The following GIGYF2 variants were observed in gnomAD, a reference collection of about 807,000 sequenced individuals.
GIGYF2 encodes GRB10-interacting GYF protein 2.
GIGYF2 carries 25 observed loss-of-function variants against 208.1 expected under a neutral mutation model. That is an observed-to-expected ratio of 0.12 (90% confidence interval 0.09 to 0.17). The LOEUF (loss-of-function observed/expected upper bound fraction) is 0.17. Among genes scored for constraint, GIGYF2 ranks in the 10% least tolerant of loss-of-function variants. The pLI is 1.00. For synonymous variants in GIGYF2, 534 were observed against 543.8 expected (o/e 0.98, Z 0.25); for missense variants, 1,302 against 1,579.4 (o/e 0.82, Z 2.98).
At chr2:232,807,401 G>A (rs75957727) in intron 15 of GIGYF2, among the ~76,000 whole-genome samples, 4 of 152,224 alleles carry the variant, frequency 2.6e-5, no homozygotes, top group East Asian at 1.9e-4. Flanking sequence ...AAAACTAGCC[G>A]GGTATGGTGG....
At position 232,806,656 on chromosome 2, in the gene GIGYF2, T is replaced by C. The variant is rs1214084905; in HGVS notation, c.1805T>C (p.Met602Thr). ...FSPGPAPPPH[M>T]GELDQERLTR... ...CCAGGTCCAGCTCCCCCTCCTCATA[T>C]GGTAAGTACCTTTCACCTCACCTGG... Residue 602 changes from methionine to threonine, a missense_variant and splice_region_variant, in exon 15 of 29, where the codon ATG becomes ACG. By Grantham distance (81) the Met-to-Thr change is moderately conservative. Transcript: ENST00000373563. The surrounding 1 kb of genome is among the most constrained non-coding windows in gnomAD (Gnocchi z 4.0). 1.2e-6 allele frequency: 2 copies of C among 1,605,906 alleles called. No individual in the cohort carries two copies. Among genetic ancestry groups the C allele is most frequent in the Non-Finnish European group, 1.7e-6 (2 of 1,172,700 alleles).
At chr2:232,855,150 TATCTC>T (rs1228118848) in intron 28 of GIGYF2, among the ~76,000 whole-genome samples, 2 of 151,012 alleles carry the variant, frequency 1.3e-5, no homozygotes, top group Non-Finnish European at 3.0e-5. Context: ...GCAGTGATGT[TATCTC>T]AGCTCACTAA....
intron 22 of GIGYF2, 135 bp downstream of exon 22, chr2:232,833,228 ATT>A: frequency 1.0e-5 from 4 of 390,770 alleles, no homozygotes; most frequent in Non-Finnish European, 1.7e-5. Flanking sequence ...TTATTTATTT[ATT>A]TTTGAGACTG....
At chr2:232,855,097 T>A (rs749425885) in intron 28 of GIGYF2, among the ~76,000 whole-genome samples, 1,463 of 131,832 alleles carry the variant, frequency 0.011, 16 homozygotes, top group Middle Eastern at 0.024. Context: ...TTTTTTTTTT[T>A]TTTTTTTGAG....
Position 232,860,336 on chromosome 2 carries a change from G to T in GIGYF2, c.*3476G>T, listed in dbSNP as rs1165320853. On this transcript the variant is annotated 3_prime_UTR_variant, in exon 29 of 29. Transcript: ENST00000373563. ...TTTAGGATAGATAATGGTACTTCTGGCTTTATTTAAATAATTTTTTTAGGG... is the reference window on the plus strand; with the variant it reads ...TTTAGGATAGATAATGGTACTTCTGTCTTTATTTAAATAATTTTTTTAGGG... The T allele has an allele frequency of 1.3e-5, 2 of 150,992 alleles. No individual in the cohort carries two copies. Among genetic ancestry groups the T allele is most frequent in the Non-Finnish European group, 2.9e-5 (2 of 67,802 alleles). 9.4% of individuals were successfully genotyped at this position (150,992 alleles called of 1,614,324 possible).
At chr2:232,838,140 A>C (rs1360231443) in intron 22 of GIGYF2, among the ~76,000 whole-genome samples, 1 of 152,230 alleles carries the variant, frequency 6.6e-6, no homozygotes, top group Non-Finnish European at 1.5e-5. Context: ...GAAAGCTATC[A>C]GCAGACATAA....
chr2:232,856,375 A>G (rs1348259203), intron 28 of GIGYF2, among the ~76,000 whole-genome samples: 2 of 152,070 alleles, frequency 1.3e-5, no homozygotes, highest in Non-Finnish European at 2.9e-5. Context: ...TCTCCCTGTA[A>G]TACTTCTATG....
At chr2:232,762,498 G>A (rs1331590661) in intron 8 of GIGYF2, among the ~76,000 whole-genome samples, 1 of 151,866 alleles carries the variant, frequency 6.6e-6, no homozygotes, top group African/African-American at 2.4e-5. Context: ...TGATCCACCC[G>A]CCTCAGCCTC....
chr2:232,755,827 T>A lies in GIGYF2; in HGVS notation c.268-396T>A, dbSNP rs28550401. On this transcript the variant is annotated intron_variant, in intron 5 of 28. Transcript: ENST00000373563. ...TTTGGTAACTCCCTTTCATTTCCAC[T>A]TTTCACCAGTTAAAGGCTTACAGGA... is the stretch of plus-strand genomic sequence containing the variant. 7.7e-4 allele frequency among the ~76,000 whole-genome samples: 117 copies of A among 152,298 alleles called. 1 individual carries two copies. The highest frequency in any genetic ancestry group is 2.3e-3 in the African/African-American group (96 of 41,546).
intron 27 of GIGYF2, among the ~76,000 whole-genome samples, chr2:232,849,700 C>A (rs1019708340): frequency 6.6e-6 from 1 of 152,164 alleles, no homozygotes; most frequent in Non-Finnish European, 1.5e-5. Context: ...CTAATAAGAG[C>A]CACAAGTAGG....
rs1382868486 is a variant in GIGYF2, at chr2:232,836,359, T to A, written c.2766+3266T>A. 5.5e-4 allele frequency among the ~76,000 whole-genome samples: 39 copies of A among 71,180 alleles called. 5 individuals carry two copies. Among genetic ancestry groups the A allele is most frequent in the African/African-American group, 2.2e-3 (37 of 16,702 alleles). 46.7% of individuals were successfully genotyped at this position (71,180 alleles called of 152,430 possible). On this transcript the variant is annotated intron_variant, in intron 22 of 28. Coordinates refer to ENST00000373563, the MANE Select transcript of GIGYF2 (RefSeq NM_001103146.3). ...ATATATACTTATATATTTATATATA[T>A]AAATATAAATATATATAAATATAAA...
chr2:232,811,506 AT>A (rs1001472098), intron 17 of GIGYF2, among the ~76,000 whole-genome samples, 155 bp downstream of exon 17: 1 of 152,218 alleles, frequency 6.6e-6, no homozygotes, highest in African/African-American at 2.4e-5. Context: ...TTTTAAAAAA[AT>A]ATTTCAGGTG....
chr2:232,854,810 AAAC>A (rs533406859), intron 28 of GIGYF2, among the ~76,000 whole-genome samples: 1 of 152,304 alleles, frequency 6.6e-6, no homozygotes, highest in South Asian at 2.1e-4. Context: ...GAACATGAAA[AAAC>A]AAGAGGCTGC....
chr2:232,777,967 C>G (rs1197463417), intron 8 of GIGYF2, among the ~76,000 whole-genome samples: 1 of 151,886 alleles, frequency 6.6e-6, no homozygotes, highest in Non-Finnish European at 1.5e-5. Context: ...TTTTTTTAGA[C>G]ATAGAGTCTT....
In GIGYF2 at chr2:232,857,626, ATTC is replaced by A. The variant is rs1690624383; in HGVS notation, c.*769_*771del. ...AGCTCTATGGCCTGGGAGAGAGACT[ATTC>A]TTAATTTTTCTTTCTTACAAAAACT... On this transcript the variant is annotated 3_prime_UTR_variant, in exon 29 of 29. Transcript: ENST00000373563. 6.6e-6 allele frequency: 1 copy of A among 152,622 alleles called. No individual in the cohort carries two copies. The highest frequency in any genetic ancestry group is 2.1e-4 in the South Asian group (1 of 4,832). The allele number at this position is 152,622 out of a possible 1,614,324, so 9.5% of individuals were successfully genotyped here.
intron 5 of GIGYF2, among the ~76,000 whole-genome samples, chr2:232,755,926 T>A (rs1698518226): frequency 6.6e-6 from 1 of 152,212 alleles, no homozygotes; most frequent in Admixed American, 6.5e-5. Flanking sequence ...TCTACTTGTG[T>A]ATATATAGAG....
chr2:232,760,953 T>C (rs1462212581), intron 7 of GIGYF2, among the ~76,000 whole-genome samples: 1 of 152,014 alleles, frequency 6.6e-6, no homozygotes, highest in Non-Finnish European at 1.5e-5. Context: ...TGCACAAAGA[T>C]ATCTGTACAA....
rs1368259433 is a variant in GIGYF2, at chr2:232,756,291, A to G, written c.336A>G (p.Thr112=). 6.3e-7 allele frequency: 1 copy of G among 1,588,546 alleles called. No homozygotes were observed. Among genetic ancestry groups the G allele is most frequent in the Admixed American group, 1.8e-5 (1 of 55,144 alleles). Residue 112 remains threonine, a synonymous_variant, in exon 6 of 29, where the codon ACA becomes ACG. Transcript: ENST00000373563. ...LRLTGRGGGG[T]VVGAPRGRSS... ...TGACAGGACGAGGAGGAGGAGGAAC[A>G]GTGGTGGGGGCTCCTAGAGGTCGAA...
chr2:232,821,595 G>C (rs1701082531), intron 21 of GIGYF2, among the ~76,000 whole-genome samples: 1 of 152,094 alleles, frequency 6.6e-6, no homozygotes, highest in Admixed American at 6.5e-5. Flanking sequence ...CATGTCCTTT[G>C]TTAGATAAAT....
Sources: gnomAD v4.1 joint callset for allele counts (sites outside exome capture counted in the v4.1 genomes callset) on GRCh38, gnomAD v4.1.1 for gene constraint, Gnocchi (gnomAD v3.1) non-coding constraint, MANE v1.5 for transcripts, NCBI Gene and HGNC (gene_info 2026-07-23, HGNC 2026-07-21) for gene names.